The following SATB2 variants were observed in gnomAD, a reference collection of about 807,000 sequenced individuals.
The protein encoded by SATB2 is DNA-binding protein SATB2.
A neutral mutation model predicts 73.4 loss-of-function variants in SATB2; 1 was observed. The observed-to-expected ratio is 0.01, with a 90% CI of 0.00 to 0.06. The LOEUF is 0.06. Ranked by LOEUF, SATB2 falls within the 10% of genes least tolerant of loss-of-function variation. The pLI is 1.00. For synonymous variants in SATB2, 397 were observed against 367.0 expected (o/e 1.08, Z -0.93); for missense variants, 459 against 945.8 (o/e 0.49, Z 6.75).
At chr2:199,407,407 A>G (rs1406145331) in intron 3 of SATB2, among the ~76,000 whole-genome samples, 2 of 152,130 alleles carry the variant, frequency 1.3e-5, no homozygotes, top group Non-Finnish European at 2.9e-5. Context: ...GTTATCTCAT[A>G]ATCTTAATTA....
chr2:199,307,302 T>G (rs530626630), intron 10 of SATB2, among the ~76,000 whole-genome samples: 2 of 152,340 alleles, frequency 1.3e-5, no homozygotes, highest in African/African-American at 4.8e-5. Context: ...AATAAAAGGT[T>G]GGAAAGCCTA....
intron 9 of SATB2, among the ~76,000 whole-genome samples, chr2:199,313,566 A>G (rs971698): frequency 0.79 from 119,946 of 152,114 alleles, 48,977 homozygotes; most frequent in Non-Finnish European, 0.89. Context: ...TGCCCTTCCA[A>G]CTATGCAGGT....
At chr2:199,300,191 G>C (rs1177586763) in intron 10 of SATB2, among the ~76,000 whole-genome samples, 1 of 151,634 alleles carries the variant, frequency 6.6e-6, no homozygotes, top group East Asian at 1.9e-4. Flanking sequence ...GGGAGGCAGG[G>C]AGGGAGGGAG....
At chr2:199,277,349 A>T (rs1487393340) in intron 10 of SATB2, among the ~76,000 whole-genome samples, 1 of 152,218 alleles carries the variant, frequency 6.6e-6, no homozygotes, top group African/African-American at 2.4e-5. Context: ...ATTTCGATAT[A>T]AAAGTTTAAA....
At chr2:199,458,033 G>A (rs551444086), upstream of SATB2, 457 of 156,688 alleles carry the variant, frequency 2.9e-3, 6 homozygotes, top group Non-Finnish European at 2.8e-3. Context: ...GGTTGTCCTC[G>A]GTTTCCGATT....
At chr2:199,409,932 A>C (rs953810984) in intron 3 of SATB2, among the ~76,000 whole-genome samples, 1 of 152,196 alleles carries the variant, frequency 6.6e-6, no homozygotes, top group Non-Finnish European at 1.5e-5. Flanking sequence ...ACAAAGAATG[A>C]GGAAGGGAGG....
intron 3 of SATB2, among the ~76,000 whole-genome samples, chr2:199,400,140 G>A (rs1466115238): frequency 1.3e-5 from 2 of 152,084 alleles, no homozygotes; most frequent in Non-Finnish European, 2.9e-5. Context: ...TTCCCTCCAA[G>A]AGAATTAATC....
chr2:199,302,525 T>A (rs1009317398), intron 10 of SATB2, among the ~76,000 whole-genome samples: 1 of 152,122 alleles, frequency 6.6e-6, no homozygotes, highest in Non-Finnish European at 1.5e-5. Context: ...AGGACCTACT[T>A]CTACCCAACT....
chr2:199,436,945 T>A lies in SATB2; in HGVS notation c.170-3431A>T, dbSNP rs199730533. ...AAAAAAAGAGAGAGAAAAGTGACAA[T>A]GGATAGAAAGATAGGGAGGTGCTTG... On this transcript the variant is annotated intron_variant, in intron 2 of 10. Coordinates refer to ENST00000417098, the MANE Select transcript of SATB2 (RefSeq NM_001172509.2). 3.4e-5 allele frequency among the ~76,000 whole-genome samples: 5 copies of A among 147,672 alleles called. 1 individual carries two copies. The East Asian group carries it at 9.8e-4, about 29-fold the overall frequency.
At position 199,316,236 on chromosome 2, in the gene SATB2, G is replaced by A. The variant is rs891254757; in HGVS notation, c.1543-7279C>T. Among the ~76,000 whole-genome samples, 12 of 152,064 alleles carry A rather than the reference G, an allele frequency of 7.9e-5. No homozygotes were observed. The East Asian group carries it at 1.4e-3, about 17-fold the overall frequency. On this transcript the variant is annotated intron_variant, in intron 9 of 10. Coordinates refer to ENST00000417098, the MANE Select transcript of SATB2 (RefSeq NM_001172509.2). ...ATTCAGCTCTTGTTTCTTCGTCACC[G>A]AATTCTCTTTTCATGAATCCAATAA...
intron 7 of SATB2, among the ~76,000 whole-genome samples, chr2:199,332,582 T>C (rs1007755746): frequency 2.6e-5 from 4 of 152,254 alleles, no homozygotes; most frequent in South Asian, 2.1e-4. Flanking sequence ...AAACAAAGAA[T>C]TGAGGCTAAT....
At chr2:199,458,316 C>T, upstream of SATB2, 1 of 203,196 alleles carries the variant, frequency 4.9e-6, no homozygotes, top group Non-Finnish European at 9.4e-6. Flanking sequence ...GGCGGGGCTG[C>T]GAAGGAGGCA....
At chr2:199,305,339 G>A (rs942868297) in intron 10 of SATB2, among the ~76,000 whole-genome samples, 8 of 151,960 alleles carry the variant, frequency 5.3e-5, no homozygotes, top group Non-Finnish European at 1.2e-4. Context: ...GACTTGAGGG[G>A]CCGATAGGGG....
chr2:199,415,889 T>A (rs572194862), intron 3 of SATB2, among the ~76,000 whole-genome samples: 1 of 152,168 alleles, frequency 6.6e-6, no homozygotes, highest in Non-Finnish European at 1.5e-5. Context: ...TAACACTCCA[T>A]GTGAGCTGTC....
chr2:199,378,584 C>T (rs537470345), intron 5 of SATB2, among the ~76,000 whole-genome samples: 5 of 152,188 alleles, frequency 3.3e-5, no homozygotes, highest in Admixed American at 6.5e-5. Flanking sequence ...GCTGCCTATA[C>T]GTGAATGCAT....
At chr2:199,403,079 CT>C in intron 3 of SATB2, among the ~76,000 whole-genome samples, 1 of 152,258 alleles carries the variant, frequency 6.6e-6, no homozygotes, top group Non-Finnish European at 1.5e-5. Flanking sequence ...AGAATGCAGA[CT>C]TTTAAAATTA....
At chr2:199,350,588 T>C (rs2105825597) in intron 6 of SATB2, among the ~76,000 whole-genome samples, 1 of 152,334 alleles carries the variant, frequency 6.6e-6, no homozygotes. Flanking sequence ...TACATTAAAA[T>C]GTGGGTAGAT....
chr2:199,334,727 A>G (rs1269267948), intron 7 of SATB2, among the ~76,000 whole-genome samples: 1 of 152,150 alleles, frequency 6.6e-6, no homozygotes, highest in Non-Finnish European at 1.5e-5. Flanking sequence ...GTGATATCAA[A>G]CCTAGTCTAA....
At chr2:199,327,195 TTTGCAAGGCCGAGGTGGGCAGATTAC>T (rs1208518687) in intron 8 of SATB2, among the ~76,000 whole-genome samples, 1 of 152,134 alleles carries the variant, frequency 6.6e-6, no homozygotes, top group Non-Finnish European at 1.5e-5. Context: ...ATCCCAGCAC[TTTGCAAGGCCGAGGTGGGCAGATTAC>T]TTGAGGTCAG....
Sources: gnomAD v4.1 joint callset for allele counts (sites outside exome capture counted in the v4.1 genomes callset) on GRCh38, gnomAD v4.1.1 for gene constraint, MANE v1.5 for transcripts, NCBI Gene and HGNC (gene_info 2026-07-23, HGNC 2026-07-21) for gene names.